The following DDX4 variants were observed in gnomAD, a reference collection of about 807,000 sequenced individuals.
DDX4 encodes the protein DEAD-box helicase 4, also known as probable ATP-dependent RNA helicase DDX4.
A neutral mutation model predicts 100.0 loss-of-function variants in DDX4; 25 were observed. That is an observed-to-expected ratio of 0.25 (90% CI 0.18 to 0.35). DDX4 has a LOEUF of 0.35. Ranked by LOEUF, DDX4 falls within the 10% of genes least tolerant of loss-of-function variation. The pLI is 1.00. For synonymous variants in DDX4, 259 were observed against 275.7 expected (o/e 0.94, Z 0.60); for missense variants, 635 against 882.4 (o/e 0.72, Z 3.55).
At chr5:55,796,819 C>CTTTCTTTTTTTTTTTTTTTTTTTTTTTTT (rs1742979457) in intron 17 of DDX4, among the ~76,000 whole-genome samples, 1 of 63,454 alleles carries the variant, frequency 1.6e-5, no homozygotes, top group Non-Finnish European at 3.6e-5. Flanking sequence ...TTTTTTCTTT[C>CTTTCTTTTTTTTTTTTTTTTTTTTTTTTT]TTTCTTTTTT....
rs748379266 is a variant in DDX4 at position 55,763,172 on chromosome 5, C to T, written c.206-3C>T. On this transcript the variant is annotated splice_polypyrimidine_tract_variant and splice_region_variant and intron_variant, in intron 4 of 21. Transcript: ENST00000505374. ...AAGAGTTTAACTGTCCACCCTTTTT[C>T]AGATGCTGGTGAGTGTAATAAGCGA... is the stretch of plus-strand genomic sequence containing the variant. 1 of 1,602,324 alleles carries T rather than the reference C, an allele frequency of 6.2e-7. No homozygotes were observed. Among genetic ancestry groups the T allele is most frequent in the Non-Finnish European group, 8.5e-7 (1 of 1,170,290 alleles).
chr5:55,751,437 G>A (rs1431534515), intron 3 of DDX4, among the ~76,000 whole-genome samples: 2 of 152,158 alleles, frequency 1.3e-5, no homozygotes, highest in African/African-American at 4.8e-5. Context: ...GTATTGCTAT[G>A]TTGCCCAGGC....
chr5:55,808,983 C>A (rs566435125), intron 18 of DDX4, among the ~76,000 whole-genome samples: 2 of 152,234 alleles, frequency 1.3e-5, no homozygotes, highest in Non-Finnish European at 2.9e-5. Flanking sequence ...GCTTCCTGGC[C>A]GCTTTGTTTA....
chr5:55,788,275 G>C (rs1742358084), intron 15 of DDX4, among the ~76,000 whole-genome samples: 1 of 152,076 alleles, frequency 6.6e-6, no homozygotes, highest in Non-Finnish European at 1.5e-5. Context: ...AGGAGTTCGA[G>C]ACCAGCCAGG....
intron 18 of DDX4, among the ~76,000 whole-genome samples, chr5:55,800,849 A>G (rs1180045027): frequency 1.3e-5 from 2 of 152,172 alleles, no homozygotes; most frequent in Admixed American, 1.3e-4. Flanking sequence ...CATCCAGTAT[A>G]TCCTCAAATT....
intron 18 of DDX4, among the ~76,000 whole-genome samples, chr5:55,806,565 C>G (rs991872885): frequency 1.3e-5 from 2 of 152,166 alleles, no homozygotes; most frequent in Non-Finnish European, 2.9e-5. Flanking sequence ...TTTATTTCTG[C>G]CTTCATTTTG....
chr5:55,743,240 C>T (rs867733990), intron 2 of DDX4, among the ~76,000 whole-genome samples: 4 of 152,246 alleles, frequency 2.6e-5, no homozygotes, highest in East Asian at 1.9e-4. Flanking sequence ...GGGCATTCCT[C>T]GGCTTGTGGC....
At chr5:55,788,082 T>C in intron 15 of DDX4, 82 bp downstream of exon 15, 3 of 1,206,146 alleles carry the variant, frequency 2.5e-6, no homozygotes, top group Non-Finnish European at 3.5e-6. Context: ...AACTCAGTAA[T>C]AATGCACTCA....
At chr5:55,800,323 A>G (rs1743214418) in intron 18 of DDX4, among the ~76,000 whole-genome samples, 2 of 147,576 alleles carry the variant, frequency 1.4e-5, no homozygotes, top group Non-Finnish European at 3.0e-5. Context: ...AGTCACCTTA[A>G]GTTTTTTTTT....
chr5:55,810,535 T>G (rs1227169190), intron 18 of DDX4, among the ~76,000 whole-genome samples: 1 of 151,916 alleles, frequency 6.6e-6, no homozygotes, highest in Non-Finnish European at 1.5e-5. Flanking sequence ...ACTCAAAGAG[T>G]TTGGGATTTT....
At chr5:55,797,380 T>C (rs1449210924) in intron 17 of DDX4, among the ~76,000 whole-genome samples, 1 of 152,200 alleles carries the variant, frequency 6.6e-6, no homozygotes, top group Non-Finnish European at 1.5e-5. Flanking sequence ...CTTGTACACA[T>C]GACACAAAAC....
At chr5:55,774,968 T>G (rs1163947983) in intron 7 of DDX4, among the ~76,000 whole-genome samples, 2 of 152,224 alleles carry the variant, frequency 1.3e-5, no homozygotes, top group African/African-American at 2.4e-5. Flanking sequence ...TATTCTGTCA[T>G]CACTATCATC....
chr5:55,778,249 C>T (rs1216847102), intron 7 of DDX4, among the ~76,000 whole-genome samples: 1 of 151,942 alleles, frequency 6.6e-6, no homozygotes, highest in Non-Finnish European at 1.5e-5. Flanking sequence ...AATTTAATAA[C>T]AGTAAGAACA....
chr5:55,741,672 T>C (rs1376678413), intron 2 of DDX4, among the ~76,000 whole-genome samples: 1 of 152,004 alleles, frequency 6.6e-6, no homozygotes, highest in Admixed American at 6.6e-5. Context: ...GCCAGTAGCC[T>C]CAGCTACTTG....
At chr5:55,785,984 G>A (rs1742221656) in intron 13 of DDX4, 113 bp downstream of exon 13, 1 of 649,676 alleles carries the variant, frequency 1.5e-6, no homozygotes. Flanking sequence ...TCGTATATAA[G>A]GTCTTAGGTT....
chr5:55,779,560 C>G (rs1006327302), intron 7 of DDX4, among the ~76,000 whole-genome samples: 3 of 152,114 alleles, frequency 2.0e-5, no homozygotes, highest in Non-Finnish European at 4.4e-5. Flanking sequence ...TTTATATGTG[C>G]CTGCATGTCT....
intron 3 of DDX4, among the ~76,000 whole-genome samples, chr5:55,748,704 C>T (rs1759377689): frequency 6.6e-6 from 1 of 151,370 alleles, no homozygotes; most frequent in African/African-American, 2.4e-5. Context: ...GTAAGCCAAG[C>T]CAATACCTAA....
chr5:55,764,029 G>A lies in DDX4; in HGVS notation c.299G>A (p.Arg100Lys), dbSNP rs149006597. 12 of 1,610,120 alleles carry A rather than the reference G, an allele frequency of 7.5e-6. No homozygotes were observed. Among genetic ancestry groups the A allele is most frequent in the Non-Finnish European group, 9.3e-6 (11 of 1,176,708 alleles). The change falls in exon 6 of 22, where the codon AGG becomes AAG. Residue 100 changes from arginine to lysine, a missense_variant. Around this residue, in one of 4 missense-constraint regions of DDX4, gnomAD observed 446 missense variants for 540.8 expected, o/e 0.82. Transcript: ENST00000505374. ...TTTTGTATAGGTTTTTCAAACAGCA[G>A]GTTTGAAGATGGTGATAGCTCTGGT... is the stretch of plus-strand genomic sequence containing the variant. Reference protein sequence around the residue: ...SFGNRGFSNSRFEDGDSSGFW... With the variant: ...SFGNRGFSNSKFEDGDSSGFW...
intron 7 of DDX4, among the ~76,000 whole-genome samples, chr5:55,771,934 A>G (rs1014629822): frequency 6.6e-6 from 1 of 152,178 alleles, no homozygotes; most frequent in South Asian, 2.1e-4. Flanking sequence ...AGAATAGTAC[A>G]TACAGATAGG....
Sources: gnomAD v4.1 joint callset for allele counts (sites outside exome capture counted in the v4.1 genomes callset) on GRCh38, gnomAD v4.1.1 for gene constraint, gnomAD v4.1.1 regional missense constraint, MANE v1.5 for transcripts, NCBI Gene and HGNC (gene_info 2026-07-23, HGNC 2026-07-21) for gene names.